RFX4: variants seen among roughly 807,000 people sequenced by gnomAD.
RFX4 encodes regulatory factor X4.
Under a neutral mutation model 95.0 loss-of-function variants are expected in RFX4, and 10 were observed. The observed-to-expected ratio is 0.11, with a 90% confidence interval of 0.06 to 0.18. The LOEUF is 0.18. Ranked by LOEUF, RFX4 falls within the 10% of genes least tolerant of loss-of-function variation. RFX4 has a pLI of 1.00. For synonymous variants in RFX4, 321 were observed against 340.7 expected, an observed-to-expected ratio of 0.94 and a Z score of 0.64; for missense variants, 640 against 922.0, an observed-to-expected ratio of 0.69 and a Z score of 3.96.
chr12:106,651,121 A>T (rs537302928), intron 3 of RFX4, among the ~76,000 whole-genome samples: 1 of 152,244 alleles, frequency 6.6e-6, no homozygotes, highest in East Asian at 1.9e-4. Flanking sequence ...TCTTCCCTTT[A>T]GATACCCTTT....
intron 3 of RFX4, among the ~76,000 whole-genome samples, chr12:106,644,230 CTTTT>C (rs756140160): frequency 1.6e-5 from 2 of 128,434 alleles, no homozygotes; most frequent in Admixed American, 8.2e-5. Flanking sequence ...GCCATTTCCC[CTTTT>C]TTTTTTTTTT....
At chr12:106,591,165 G>A (rs1176768778) in intron 1 of RFX4, among the ~76,000 whole-genome samples, 2 of 151,596 alleles carry the variant, frequency 1.3e-5, no homozygotes, top group Non-Finnish European at 2.9e-5. Flanking sequence ...TTAGGGAGAG[G>A]GTGGCAGTGG....
chr12:106,746,355 C>CAAAAAAA (rs531874659), intron 15 of RFX4, among the ~76,000 whole-genome samples: 1 of 67,274 alleles, frequency 1.5e-5, no homozygotes, highest in Non-Finnish European at 3.2e-5. Flanking sequence ...GACTCCATCT[C>CAAAAAAA]AAAAAAAAAA....
chr12:106,608,137 C>G (rs545047144), intron 1 of RFX4, among the ~76,000 whole-genome samples: 3 of 152,058 alleles, frequency 2.0e-5, no homozygotes, highest in Non-Finnish European at 4.4e-5. Context: ...TGCAGTGAGC[C>G]GAGATCACGC....
intron 5 of RFX4, 53 bp from the exon 6 acceptor site, chr12:106,686,831 G>A (rs1463231167): frequency 6.6e-7 from 1 of 1,506,296 alleles, no homozygotes; most frequent in Non-Finnish European, 9.1e-7. Flanking sequence ...GTGCATGTGG[G>A]TCTCTCTCTT....
chr12:106,669,674 C>T (rs80222270), intron 4 of RFX4, among the ~76,000 whole-genome samples: 377 of 151,646 alleles, frequency 2.5e-3, no homozygotes, highest in Non-Finnish European at 3.8e-3. Context: ...TCTTTAGGAT[C>T]CTTCAAAGAT....
intron 11 of RFX4, among the ~76,000 whole-genome samples, chr12:106,718,911 C>G (rs1445477616): frequency 6.6e-6 from 1 of 150,852 alleles, no homozygotes; most frequent in Non-Finnish European, 1.5e-5. Flanking sequence ...GAGATTGAGA[C>G]CATCCTGGCT....
intron 4 of RFX4, among the ~76,000 whole-genome samples, chr12:106,679,745 T>C (rs1413244255): frequency 1.3e-5 from 2 of 152,226 alleles, no homozygotes; most frequent in Non-Finnish European, 2.9e-5. Flanking sequence ...GTCTGTTCAG[T>C]AGTGTGCCTT....
chr12:106,649,447 G>A (rs556223839), intron 3 of RFX4, among the ~76,000 whole-genome samples: 111 of 152,268 alleles, frequency 7.3e-4, no homozygotes, highest in African/African-American at 2.4e-3. Context: ...CAGAAGCTCC[G>A]GAAAGAGGAA....
At position 106,704,280 on chromosome 12, in the gene RFX4, T is replaced by C. The variant is rs531920460; in HGVS notation, c.834-5050T>C. On this transcript the variant is annotated intron_variant, in intron 8 of 17. Transcript: ENST00000392842. The stretch of plus-strand genomic sequence containing the variant: ...AAGATAAGCATGCTCCCTGCTCTCA[T>C]TGAGTTACAGTCTGCCAAAGGAGAC... 3.9e-5 allele frequency among the ~76,000 whole-genome samples: 6 copies of C among 152,246 alleles called. No homozygotes were observed. In the South Asian group the frequency reaches 1.2e-3, roughly 32 times the overall value.
chr12:106,659,237 GCTAT>G (rs1163737999), intron 4 of RFX4, among the ~76,000 whole-genome samples: 1 of 151,964 alleles, frequency 6.6e-6, no homozygotes, highest in Non-Finnish European at 1.5e-5. Context: ...CTGGGGTCTG[GCTAT>G]CTGTGGCTTG....
At chr12:106,707,953 C>T (rs1240258372) in intron 8 of RFX4, among the ~76,000 whole-genome samples, 3 of 152,030 alleles carry the variant, frequency 2.0e-5, no homozygotes, top group African/African-American at 7.2e-5. Flanking sequence ...GCCAACATGG[C>T]GAAAGCCCAT....
At chr12:106,619,825 T>G (rs1442329364) in intron 2 of RFX4, among the ~76,000 whole-genome samples, 1 of 152,190 alleles carries the variant, frequency 6.6e-6, no homozygotes, top group African/African-American at 2.4e-5. Context: ...TGCCTTTCAG[T>G]TCTAAATTCC....
chr12:106,660,371 GCAT>G (rs1474639807), intron 4 of RFX4, among the ~76,000 whole-genome samples: 1 of 151,848 alleles, frequency 6.6e-6, no homozygotes, highest in Non-Finnish European at 1.5e-5. Context: ...CAGGCACTGA[GCAT>G]CCCCCTCTCT....
chr12:106,612,614 G>A (rs1271637055), intron 2 of RFX4, among the ~76,000 whole-genome samples: 1 of 152,182 alleles, frequency 6.6e-6, no homozygotes, highest in East Asian at 1.9e-4. Flanking sequence ...GAGGGAGGTG[G>A]ATCACCTGAG....
Position 106,675,554 on chromosome 12 carries a change from A to C in RFX4, c.316-6439A>C, listed in dbSNP as rs371068267. ...ATATGTTAATTAACTCAATTTAGCC[A>C]TTCCACAATGTATACATATTTCAGA... On this transcript the variant is annotated intron_variant, in intron 4 of 17. Coordinates refer to ENST00000392842, the MANE Select transcript of RFX4 (RefSeq NM_213594.3). 2.6e-3 allele frequency among the ~76,000 whole-genome samples: 389 copies of C among 152,362 alleles called. 1 individual carries two copies. Among genetic ancestry groups the C allele is most frequent in the African/African-American group, 8.6e-3 (356 of 41,584 alleles).
At chr12:106,654,863 G>A (rs971652075) in intron 4 of RFX4, among the ~76,000 whole-genome samples, 1 of 152,194 alleles carries the variant, frequency 6.6e-6, no homozygotes, top group Non-Finnish European at 1.5e-5. Context: ...ATTGTTAGCA[G>A]TGATCATTCC....
intron 1 of RFX4, chr12:106,601,337 C>A: frequency 1.3e-6 from 2 of 1,584,122 alleles, no homozygotes; most frequent in South Asian, 1.1e-5. Flanking sequence ...TCGACGGCGC[C>A]GTTCCACTGG....
chr12:106,627,176 A>T (rs2040319469), intron 2 of RFX4, among the ~76,000 whole-genome samples: 1 of 152,168 alleles, frequency 6.6e-6, no homozygotes, highest in African/African-American at 2.4e-5. Flanking sequence ...AAAAGTTCTA[A>T]TTCAGTGGCA....
Sources: allele counts gnomAD v4.1 joint callset (sites outside exome capture counted in the v4.1 genomes callset), GRCh38; gene constraint gnomAD v4.1.1; transcripts MANE v1.5; gene names NCBI Gene and HGNC (gene_info 2026-07-23, HGNC 2026-07-21).